SHANK2: variants seen among roughly 807,000 people sequenced by gnomAD.
SHANK2 encodes SH3 and multiple ankyrin repeat domains 2.
SHANK2 carries 43 observed loss-of-function variants against 133.7 expected under a neutral mutation model. The ratio of observed to expected loss-of-function variants is 0.32; its 90% CI spans 0.25 to 0.41. The LOEUF is 0.41. Among genes scored for constraint, SHANK2 ranks in the 10% least tolerant of loss-of-function variants. SHANK2 has a pLI of 1.00. For synonymous variants in SHANK2, 1,017 were observed against 952.8 expected (o/e 1.07, Z -1.24); for missense variants, 1,994 against 2,235.8 (o/e 0.89, Z 2.18).
chr11:71,066,603 C>T (rs946695367), intron 9 of SHANK2, among the ~76,000 whole-genome samples: 194 of 152,296 alleles, frequency 1.3e-3, no homozygotes, highest in African/African-American at 4.1e-3. Flanking sequence ...TTCCTTTCAA[C>T]GGCACTGAGG....
At chr11:71,081,664 CA>C (rs1276380771) in intron 8 of SHANK2, among the ~76,000 whole-genome samples, 18 of 152,288 alleles carry the variant, frequency 1.2e-4, no homozygotes, top group African/African-American at 4.1e-4. Context: ...CAAGGGTCCT[CA>C]TTCCCTCTGG....
At chr11:70,631,271 G>A (rs1332016986) in intron 17 of SHANK2, 1 of 151,984 alleles carries the variant, frequency 6.6e-6, no homozygotes, top group Non-Finnish European at 1.5e-5. Context: ...GTAGCCTAAG[G>A]CTCTCCCAGA....
chr11:70,826,102 G>C (rs990864841), intron 11 of SHANK2, among the ~76,000 whole-genome samples: 1 of 152,140 alleles, frequency 6.6e-6, no homozygotes, highest in Admixed American at 6.5e-5. Flanking sequence ...GACCTGCCTC[G>C]GCCAGTGCCT....
chr11:71,181,751 G>A (rs898426094), intron 2 of SHANK2, among the ~76,000 whole-genome samples: 9 of 152,110 alleles, frequency 5.9e-5, no homozygotes, highest in East Asian at 1.9e-4. Context: ...GTGTGGGGAC[G>A]TGCCCAGGAA....
At chr11:70,695,749 T>C (rs1945378915) in intron 15 of SHANK2, among the ~76,000 whole-genome samples, 1 of 152,196 alleles carries the variant, frequency 6.6e-6, no homozygotes. Flanking sequence ...GAGGCTCAGC[T>C]ATGAACAGGG....
At chr11:71,125,904 A>C (rs1371853533) in intron 3 of SHANK2, among the ~76,000 whole-genome samples, 5 of 152,252 alleles carry the variant, frequency 3.3e-5, no homozygotes, top group East Asian at 3.9e-4. Context: ...ATTCAAAAAA[A>C]CCGAGGGCCC....
At chr11:71,200,477 C>T (rs1953996831) in intron 2 of SHANK2, among the ~76,000 whole-genome samples, 1 of 152,120 alleles carries the variant, frequency 6.6e-6, no homozygotes, top group African/African-American at 2.4e-5. Flanking sequence ...GGGGACACAC[C>T]CAGGAGTGGA....
At chr11:70,919,826 A>G (rs1309567299) in intron 10 of SHANK2, among the ~76,000 whole-genome samples, 1 of 152,232 alleles carries the variant, frequency 6.6e-6, no homozygotes, top group South Asian at 2.1e-4. Context: ...GATTCTGCAC[A>G]TAAGTGAGAT....
chr11:70,770,094 C>T (rs1156704629), intron 14 of SHANK2, among the ~76,000 whole-genome samples: 4 of 152,200 alleles, frequency 2.6e-5, no homozygotes, highest in Non-Finnish European at 5.9e-5. Context: ...TGATTCTGGT[C>T]GCAAAGCAGC....
At position 70,759,741 on chromosome 11, in the gene SHANK2, C is replaced by T. The variant is rs185743173; in HGVS notation, c.1777+38702G>A. On this transcript the variant is annotated intron_variant, in intron 14 of 25. Coordinates refer to ENST00000601538, the MANE Select transcript of SHANK2 (RefSeq NM_012309.5). ...TAAACGAGTTCTGGCTGTCATAGTG[C>T]TTTTCTCTTCCTCTAGCAGCCAGCA... is the stretch of plus-strand genomic sequence containing the variant. Among the ~76,000 whole-genome samples, 226 of 152,286 alleles carry T rather than the reference C, an allele frequency of 1.5e-3. 1 individual carries two copies. Among genetic ancestry groups the T allele is most frequent in the African/African-American group, 5.0e-3 (209 of 41,562 alleles).
At chr11:70,531,740 G>A (rs782761906) in intron 17 of SHANK2, among the ~76,000 whole-genome samples, 1 of 152,206 alleles carries the variant, frequency 6.6e-6, no homozygotes, top group Non-Finnish European at 1.5e-5. Flanking sequence ...GCCTTGGGAA[G>A]TCCTGGGCCT....
chr11:71,083,813 C>T (rs1253071311), intron 8 of SHANK2, among the ~76,000 whole-genome samples: 2 of 152,148 alleles, frequency 1.3e-5, no homozygotes, highest in Non-Finnish European at 2.9e-5. Flanking sequence ...ATGAATACCC[C>T]CAAATCTGAC....
intron 2 of SHANK2, among the ~76,000 whole-genome samples, chr11:71,158,888 A>G (rs1359838221): frequency 1.3e-5 from 2 of 152,232 alleles, no homozygotes; most frequent in Non-Finnish European, 1.5e-5. Context: ...CATGGAGAAG[A>G]TGAGAAATAG....
chr11:70,529,921 G>T (rs1235106348), intron 17 of SHANK2, among the ~76,000 whole-genome samples: 9 of 152,142 alleles, frequency 5.9e-5, no homozygotes, highest in Non-Finnish European at 1.2e-4. Flanking sequence ...ACCACAGTTG[G>T]TTTTTTTGCT....
chr11:71,119,175 G>A lies in SHANK2; in HGVS notation c.208-143C>T, dbSNP rs1391768333. 3 of 648,720 alleles carry A rather than the reference G, an allele frequency of 4.6e-6. No individual in the cohort carries two copies. In the East Asian group the frequency reaches 8.3e-5, roughly 18 times the overall value. The allele number at this position is 648,720 out of a possible 1,614,324, so 40.2% of individuals were successfully genotyped here. A position where few individuals can be genotyped will look rare whatever the true frequency, so the allele number is the denominator to read the frequency against. On this transcript the variant is annotated intron_variant, in intron 3 of 25. Coordinates refer to ENST00000601538, the MANE Select transcript of SHANK2 (RefSeq NM_012309.5). ...AGCAGTGAACCCACGGCTTTTCACA[G>A]TGAAAAATAAAGCCTACTGGTTGCT... is the stretch of plus-strand genomic sequence containing the variant.
intron 17 of SHANK2, among the ~76,000 whole-genome samples, chr11:70,577,420 G>C (rs1438373889): frequency 1.3e-5 from 2 of 152,214 alleles, no homozygotes; most frequent in Non-Finnish European, 2.9e-5. Context: ...TCTCTGGGCT[G>C]GGGAAAGTCA....
At chr11:70,806,459 A>G (rs539611575) in intron 13 of SHANK2, among the ~76,000 whole-genome samples, 2 of 152,330 alleles carry the variant, frequency 1.3e-5, no homozygotes, top group African/African-American at 2.4e-5. Context: ...TGGCTCCCCA[A>G]TACCCCAGGA....
chr11:70,886,479 T>C (rs1393606399), intron 11 of SHANK2, among the ~76,000 whole-genome samples: 3 of 152,240 alleles, frequency 2.0e-5, no homozygotes, highest in African/African-American at 7.2e-5. Flanking sequence ...CTGCTGGTTC[T>C]ACTTGCAAAC....
intron 14 of SHANK2, among the ~76,000 whole-genome samples, chr11:70,735,685 C>G (rs1591798321): frequency 7.0e-6 from 1 of 142,026 alleles, no homozygotes; most frequent in Non-Finnish European, 1.5e-5. Flanking sequence ...GCCTGGGTGA[C>G]AGGGTGAGAC....
Sources: gnomAD v4.1 joint callset for allele counts (sites outside exome capture counted in the v4.1 genomes callset) on GRCh38, gnomAD v4.1.1 for gene constraint, MANE v1.5 for transcripts, NCBI Gene and HGNC (gene_info 2026-07-23, HGNC 2026-07-21) for gene names.